Variants in BPTF observed in about 807,000 individuals in gnomAD.
The protein encoded by BPTF is nucleosome-remodeling factor subunit BPTF.
A neutral mutation model predicts 292.5 loss-of-function variants in BPTF; 18 were observed. The observed-to-expected ratio is 0.06, with a 90% CI of 0.04 to 0.09. BPTF has a LOEUF of 0.09. BPTF is among the 10% of genes least tolerant of loss of function. BPTF has a pLI of 1.00. For synonymous variants in BPTF, 1,225 were observed against 1,251.9 expected (o/e 0.98, Z 0.45); for missense variants, 2,726 against 3,498.7 (o/e 0.78, Z 5.57).
At chr17:67,974,131 T>C (rs1193475693) in intron 26 of BPTF, 1 of 152,236 alleles carries the variant, frequency 6.6e-6, no homozygotes, top group African/African-American at 2.4e-5. Flanking sequence ...CTGTCTACCC[T>C]AGATTGATTG....
rs1012312011 is a variant in BPTF, at chr17:67,947,642, T to G, written c.7618-84T>G. On this transcript the variant is annotated intron_variant, in intron 21 of 27. Transcript: ENST00000306378. Reference sequence around the variant, plus strand: ...CAGTTTCTTTAAAAAAACACATATGTGCTCAAATTTCTACTGTTGTTATCT... The same window carrying G: ...CAGTTTCTTTAAAAAAACACATATGGGCTCAAATTTCTACTGTTGTTATCT... 3 of 1,015,034 alleles carry G rather than the reference T, an allele frequency of 3.0e-6. No homozygotes were observed. The South Asian group carries it at 5.2e-5, about 17-fold the overall frequency. 62.9% of individuals were successfully genotyped at this position (1,015,034 alleles called of 1,614,324 possible). A position where few individuals can be genotyped will look rare whatever the true frequency, so the allele number is the denominator to read the frequency against.
intron 11 of BPTF, among the ~76,000 whole-genome samples, chr17:67,915,159 A>C (rs1273656240): frequency 6.6e-6 from 1 of 152,172 alleles, no homozygotes; most frequent in Non-Finnish European, 1.5e-5. Context: ...GCAATATTGG[A>C]AAACTTGTCT....
rs754484719 is a variant in BPTF, at chr17:67,912,381, T to G, written c.4497T>G (p.Asp1499Glu). 5 of 1,614,054 alleles carry G rather than the reference T, an allele frequency of 3.1e-6. No individual in the cohort carries two copies. The highest frequency in any genetic ancestry group is 4.2e-6 in the Non-Finnish European group (5 of 1,179,990). Residue 1499 changes from aspartate (D) to glutamate (E), a missense_variant, in exon 11 of 28, where the codon GAT becomes GAG. By Grantham distance (45) the Asp-to-Glu change is conservative. Around this residue, in one of 22 missense-constraint regions of BPTF, gnomAD observed 713 missense variants for 714.9 expected, o/e 1.00. Coordinates refer to ENST00000306378, the MANE Select transcript of BPTF (RefSeq NM_182641.4). ...CAGATGCTGAAGGTAACTACCGAGA[T>G]AGCCTTGAGACCCTGCCATCAACCA... ...SSSDAEGNYR[D>E]SLETLPSTKE...
chr17:67,981,279 C>A lies in BPTF; in HGVS notation c.8727-973C>A, dbSNP rs1307455627. Among the ~76,000 whole-genome samples the A allele has an allele frequency of 3.9e-5, 6 of 152,332 alleles. No homozygotes were observed. The East Asian group carries it at 1.2e-3, about 29-fold the overall frequency. ...TTAAGGCAGAATGAAACATAACTAG[C>A]CAGTTATTGAAAATTGATTTATTTA... On this transcript the variant is annotated intron_variant, in intron 27 of 27. Transcript: ENST00000306378.
Position 67,975,788 on chromosome 17 carries a change from A to G in BPTF, c.8556A>G (p.Glu2852=), listed in dbSNP as rs1555693546. 2 of 1,610,828 alleles carry G rather than the reference A, an allele frequency of 1.2e-6. No homozygotes were observed. Among genetic ancestry groups the G allele is most frequent in the Admixed American group, 3.4e-5 (2 of 59,168 alleles). ...IKEPMDLATM[E]ERVQRRYYEK... ...GTTTTTAAGACCTTGCCACCATGGAAGAAAGAGTACAAAGACGATATTATG... is the reference window on the plus strand; with the variant it reads ...GTTTTTAAGACCTTGCCACCATGGAGGAAAGAGTACAAAGACGATATTATG... Residue 2852 remains glutamate (E), a synonymous_variant, in exon 27 of 28, where the codon GAA becomes GAG. Coordinates refer to ENST00000306378, the MANE Select transcript of BPTF (RefSeq NM_182641.4).
Position 67,909,741 on chromosome 17 carries a change from T to G in BPTF, c.2972T>G (p.Ile991Ser). Reference protein sequence around the residue: ...ADQNEMDISKITEKKDQDVKE... With the variant: ...ADQNEMDISKSTEKKDQDVKE... ...CAAAATGAAATGGATATCTCAAAGA[T>G]TACTGAGAAGAAGGACCAAGGTAAG... Residue 991 changes from isoleucine to serine, a missense_variant, in exon 10 of 28, where the codon ATT (isoleucine) becomes AGT (serine). Physicochemically the swap from Ile to Ser is moderately radical, Grantham distance 142. Transcript: ENST00000306378. The G allele has an allele frequency of 1.3e-6, 2 of 1,573,836 alleles. No homozygotes were observed. Among genetic ancestry groups the G allele is most frequent in the Non-Finnish European group, 1.7e-6 (2 of 1,165,138 alleles).
At chr17:67,909,835 AG>A (rs2062531089) in intron 10 of BPTF, 74 bp downstream of exon 10, 2 of 1,276,432 alleles carry the variant, frequency 1.6e-6, no homozygotes, top group Non-Finnish European at 2.1e-6. Flanking sequence ...ACCACAGGAA[AG>A]GTACTGCGTT....
chr17:67,971,846 A>G (rs2068798563), intron 26 of BPTF, among the ~76,000 whole-genome samples: 1 of 148,820 alleles, frequency 6.7e-6, no homozygotes, highest in African/African-American at 2.5e-5. Context: ...AAAAAAAAAG[A>G]GAAGAAAAAA....
chr17:67,964,484 C>T, intron 25 of BPTF, 80 bp downstream of exon 25: 2 of 1,444,836 alleles, frequency 1.4e-6, no homozygotes, highest in Non-Finnish European at 1.9e-6. Context: ...TTTCAAGTTT[C>T]CAATCTTAGA....
chr17:67,838,011 C>T (rs1355858217), intron 1 of BPTF, among the ~76,000 whole-genome samples: 1 of 152,166 alleles, frequency 6.6e-6, no homozygotes, highest in Admixed American at 6.5e-5. Context: ...GTTTACTCAC[C>T]TGTACAGTAT....
intron 19 of BPTF, among the ~76,000 whole-genome samples, chr17:67,941,434 C>T (rs1360375289): frequency 1.3e-5 from 2 of 152,078 alleles, no homozygotes; most frequent in Non-Finnish European, 2.9e-5. Context: ...GCCTGGGTGA[C>T]AAAGCAAGAC....
At chr17:67,837,161 C>G (rs2057194667) in intron 1 of BPTF, among the ~76,000 whole-genome samples, 1 of 152,094 alleles carries the variant, frequency 6.6e-6, no homozygotes, top group African/African-American at 2.4e-5. Context: ...ACTGCATTTG[C>G]TGATAATATT....
intron 9 of BPTF, among the ~76,000 whole-genome samples, chr17:67,906,022 G>A (rs1442680161): frequency 6.6e-6 from 1 of 152,046 alleles, no homozygotes; most frequent in East Asian, 1.9e-4. Context: ...CACGTTGTGC[G>A]CACGTACCCT....
At chr17:67,938,600 C>G (rs1336974484) in intron 18 of BPTF, among the ~76,000 whole-genome samples, 1 of 152,118 alleles carries the variant, frequency 6.6e-6, no homozygotes, top group Non-Finnish European at 1.5e-5. Flanking sequence ...GTAAATGATA[C>G]TGGAATAATT....
intron 4 of BPTF, among the ~76,000 whole-genome samples, chr17:67,885,539 G>A (rs370629006): frequency 3.9e-5 from 6 of 152,262 alleles, no homozygotes; most frequent in African/African-American, 1.2e-4. Context: ...ACAGTCAGCC[G>A]AGATTGTGCC....
rs530922586 is a variant in BPTF, at chr17:67,888,326, C to T, written c.1865-3518C>T. Among the ~76,000 whole-genome samples the T allele has an allele frequency of 5.3e-5, 8 of 152,212 alleles. No individual in the cohort carries two copies. In the South Asian group the frequency reaches 1.7e-3, roughly 32 times the overall value. On this transcript the variant is annotated intron_variant, in intron 4 of 27. Coordinates refer to ENST00000306378, the MANE Select transcript of BPTF (RefSeq NM_182641.4). ...GATCTGGGCCGGGCTCGGTGGCTCACACCTGTAATCCCAGCACTTTGGGAG... is the reference window on the plus strand; with the variant it reads ...GATCTGGGCCGGGCTCGGTGGCTCATACCTGTAATCCCAGCACTTTGGGAG...
At chr17:67,835,890 T>C (rs181260740) in intron 1 of BPTF, among the ~76,000 whole-genome samples, 27 of 151,960 alleles carry the variant, frequency 1.8e-4, no homozygotes, top group Non-Finnish European at 3.2e-4. Flanking sequence ...TGGTCTTGAT[T>C]TCCTGACCTT....
chr17:67,952,105 T>C (rs2066428037), intron 23 of BPTF, among the ~76,000 whole-genome samples: 1 of 151,116 alleles, frequency 6.6e-6, no homozygotes, highest in African/African-American at 2.4e-5. Flanking sequence ...TGCTTTGAGT[T>C]TGAGACCAGC....
At chr17:67,923,114 G>A in intron 14 of BPTF, 124 bp downstream of exon 14, 1 of 1,157,672 alleles carries the variant, frequency 8.6e-7, no homozygotes, top group Non-Finnish European at 1.2e-6. Flanking sequence ...GGAGTGCAGT[G>A]GCACAATCTT....
Sources: allele counts gnomAD v4.1 joint callset (sites outside exome capture counted in the v4.1 genomes callset), GRCh38; gene constraint gnomAD v4.1.1; regional missense constraint gnomAD v4.1.1; transcripts MANE v1.5; gene names NCBI Gene and HGNC (gene_info 2026-07-23, HGNC 2026-07-21).